Variants in TIMM50 observed in about 807,000 individuals in gnomAD.
TIMM50 encodes mitochondrial import inner membrane translocase subunit TIM50.
TIMM50 carries 34 observed loss-of-function variants against 49.6 expected under a neutral mutation model. The ratio of observed to expected loss-of-function variants is 0.69; its 90% CI spans 0.52 to 0.91. The LOEUF is 0.91. TIMM50 is among the 40% of genes least tolerant of loss of function. The pLI is 0.00. For missense variants in TIMM50, 458 were observed against 477.8 expected (o/e 0.96, Z 0.39); for synonymous variants, 199 against 198.4 (o/e 1.00, Z -0.03).
intron 3 of TIMM50, 27 bp downstream of exon 3, chr19:39,482,943 G>T: frequency 6.2e-7 from 1 of 1,614,182 alleles, no homozygotes; most frequent in Non-Finnish European, 8.5e-7. Flanking sequence ...CCGAGGCCTT[G>T]CCAGGAGTCC....
chr19:39,485,142 G>C, intron 4 of TIMM50: 1 of 199,800 alleles, frequency 5.0e-6, no homozygotes, highest in South Asian at 8.4e-5. Context: ...TTTTTTTACT[G>C]TTTTAGTAGA....
rs534681085 is a variant in TIMM50, at chr19:39,490,008, G to A, written c.*188G>A. ...GGTCATCGTCCCACAGTGGCTGATC[G>A]GCTGCCAAGCACAGTGGGGGTGCTT... On this transcript the variant is annotated 3_prime_UTR_variant, in exon 11 of 11. Coordinates refer to ENST00000607714, the MANE Select transcript of TIMM50 (RefSeq NM_001001563.5). 8.2e-6 allele frequency: 5 copies of A among 612,006 alleles called. No individual in the cohort carries two copies. Among genetic ancestry groups the A allele is most frequent in the South Asian group, 2.0e-5 (1 of 48,978 alleles). The allele number at this position is 612,006 out of a possible 1,614,324, so 37.9% of individuals were successfully genotyped here. A position where few individuals can be genotyped will look rare whatever the true frequency, so the allele number is the denominator to read the frequency against.
In TIMM50 at chr19:39,486,201, G is replaced by C; in HGVS notation, c.507G>C (p.Trp169Cys). 6.2e-7 allele frequency: 1 copy of C among 1,614,180 alleles called. No individual in the cohort carries two copies. Among genetic ancestry groups the C allele is most frequent in the African/African-American group, 1.3e-5 (1 of 75,028 alleles). The change falls in exon 7 of 11, where the codon TGG (tryptophan) becomes TGC (cysteine). Residue 169 changes from tryptophan (W) to cysteine (C), a missense_variant. Transcript: ENST00000607714. ...TGTCTTCCCAGCTGGCCACTGGCTG[G>C]AGGTTTAAGAAGCGCCCAGGCATCG... ...LHPEWSLATGWRFKKRPGIET... is the reference protein window; with the variant it reads ...LHPEWSLATGCRFKKRPGIET...
At position 39,490,237 on chromosome 19, in the gene TIMM50, A is replaced by G. The variant is rs2079536121; in HGVS notation, c.*417A>G. 1.2e-5 allele frequency: 2 copies of G among 165,244 alleles called. No individual in the cohort carries two copies. Among genetic ancestry groups the G allele is most frequent in the South Asian group, 3.4e-4 (2 of 5,800 alleles). 10.2% of individuals were successfully genotyped at this position (165,244 alleles called of 1,614,324 possible). A position where few individuals can be genotyped will look rare whatever the true frequency, so the allele number is the denominator to read the frequency against. ...TGTGGAGAGAATGTGTTATGGGCCTAGTGGGCCTCTGGTGGACCAGAGATT... is the reference window on the plus strand; with the variant it reads ...TGTGGAGAGAATGTGTTATGGGCCTGGTGGGCCTCTGGTGGACCAGAGATT... On this transcript the variant is annotated 3_prime_UTR_variant, in exon 11 of 11. Transcript: ENST00000607714.
chr19:39,488,428 T>A, intron 9 of TIMM50, 111 bp from the exon 10 acceptor site: 1 of 1,130,426 alleles, frequency 8.8e-7, no homozygotes, highest in Non-Finnish European at 1.3e-6. Context: ...TCAGAAGCAT[T>A]CCAGGTAGCA....
At position 39,485,704 on chromosome 19, in the gene TIMM50, C is replaced by T; in HGVS notation, c.389C>T (p.Thr130Ile). ...KDYRQMIIEP[T>I]SPCLLPDPLQ... The stretch of plus-strand genomic sequence containing the variant: ...CTCCCACAGATGATCATCGAGCCCA[C>T]CAGCCCTTGCCTTCTCCCAGACCCT... Residue 130 changes from threonine to isoleucine, a missense_variant, in exon 6 of 11, where the codon ACC becomes ATC. Transcript: ENST00000607714. 2 of 1,614,166 alleles carry T rather than the reference C, an allele frequency of 1.2e-6. No individual in the cohort carries two copies. Among genetic ancestry groups the T allele is most frequent in the South Asian group, 1.1e-5 (1 of 91,086 alleles).
At chr19:39,487,165 G>A (rs371573915) in intron 8 of TIMM50, among the ~76,000 whole-genome samples, 71 of 152,304 alleles carry the variant, frequency 4.7e-4, no homozygotes, top group South Asian at 3.1e-3. Flanking sequence ...GGTTAAACAC[G>A]AGAGTGGCCA....
chr19:39,485,536 T>TC lies in TIMM50; in HGVS notation c.314-7dup, dbSNP rs2079498893. On this transcript the variant is annotated splice_polypyrimidine_tract_variant and splice_region_variant and intron_variant, in intron 4 of 10. Coordinates refer to ENST00000607714, the MANE Select transcript of TIMM50 (RefSeq NM_001001563.5). ...TGTGGAATCTCTTTGTGCCTGGTGT[T>TC]CTCCTAGATCCAATTCTGGTACAGC... 1.2e-6 allele frequency: 2 copies of TC among 1,614,000 alleles called. No homozygotes were observed. The highest frequency in any genetic ancestry group is 1.7e-5 in the Admixed American group (1 of 59,984).
At chr19:39,485,859 GT>G in intron 6 of TIMM50, 52 bp downstream of exon 6, 1 of 1,607,810 alleles carries the variant, frequency 6.2e-7, no homozygotes, top group Non-Finnish European at 8.5e-7. Context: ...CAGTGGGGTT[GT>G]GATGAGGTGG....
chr19:39,486,386 C>G lies in TIMM50; in HGVS notation c.598-11C>G. The G allele has an allele frequency of 1.2e-6, 2 of 1,613,986 alleles. No individual in the cohort carries two copies. The highest frequency in any genetic ancestry group is 1.7e-6 in the Non-Finnish European group (2 of 1,179,850). ...CAGCCTGACCTTTTCTCGCTCCCTT[C>G]CCACCCCCAGACTGCGTTTCCACTC... On this transcript the variant is annotated splice_polypyrimidine_tract_variant and intron_variant, in intron 7 of 10. Coordinates refer to ENST00000607714, the MANE Select transcript of TIMM50 (RefSeq NM_001001563.5).
intron 1 of TIMM50, 78 bp from the exon 2 acceptor site, chr19:39,481,805 G>T: frequency 6.5e-7 from 1 of 1,536,704 alleles, no homozygotes; most frequent in South Asian, 1.2e-5. Context: ...TCCTGAACTT[G>T]ATTCTTCTTG....
Position 39,490,454 on chromosome 19 carries a change from G to C in TIMM50, c.*634G>C, listed in dbSNP as rs2079537603. The C allele has an allele frequency of 1.3e-5, 2 of 151,320 alleles. No individual in the cohort carries two copies. The highest frequency in any genetic ancestry group is 4.9e-5 in the African/African-American group (2 of 40,978). The allele number at this position is 151,320 out of a possible 1,614,324, so 9.4% of individuals were successfully genotyped here. A position where few individuals can be genotyped will look rare whatever the true frequency, so the allele number is the denominator to read the frequency against. On this transcript the variant is annotated 3_prime_UTR_variant, in exon 11 of 11. Transcript: ENST00000607714. ...ATTGATGTGATCTTAGCTTACAACA[G>C]CCTTGACCTCCCGGCTCAAGTGATC... is the stretch of plus-strand genomic sequence containing the variant.
At chr19:39,487,904 CGAT>C in intron 8 of TIMM50, 154 bp from the exon 9 acceptor site, 1 of 1,132,642 alleles carries the variant, frequency 8.8e-7, no homozygotes, top group Non-Finnish European at 1.2e-6. Flanking sequence ...CTGTGGGGGT[CGAT>C]GCCATCATCC....
chr19:39,489,683 C>G (rs373401565), intron 10 of TIMM50, 36 bp from the exon 11 acceptor site: 22 of 1,560,180 alleles, frequency 1.4e-5, no homozygotes, highest in Non-Finnish European at 1.7e-5. Flanking sequence ...GTCCACCTTG[C>G]GCTGACCCTC....
chr19:39,481,802 C>A, intron 1 of TIMM50, 81 bp from the exon 2 acceptor site: 1 of 1,531,652 alleles, frequency 6.5e-7, no homozygotes, highest in Non-Finnish European at 8.8e-7. Flanking sequence ...GGCTCCTGAA[C>A]TTGATTCTTC....
intron 3 of TIMM50, 49 bp downstream of exon 3, chr19:39,482,965 TGA>T: frequency 6.2e-7 from 1 of 1,613,902 alleles, no homozygotes; most frequent in Non-Finnish European, 8.5e-7. Flanking sequence ...AGTCTGTGGG[TGA>T]GAGGGGTCCC....
chr19:39,489,556 G>T, intron 10 of TIMM50, among the ~76,000 whole-genome samples, 163 bp from the exon 11 acceptor site: 1 of 151,986 alleles, frequency 6.6e-6, no homozygotes, highest in East Asian at 1.9e-4. Context: ...AGGGTCCCTT[G>T]TGTCTGGGCT....
chr19:39,489,511 T>C (rs1013604895), intron 10 of TIMM50, among the ~76,000 whole-genome samples: 2 of 151,906 alleles, frequency 1.3e-5, no homozygotes, highest in South Asian at 2.1e-4. Flanking sequence ...CAGAGCTGGC[T>C]CTTCCTAGTG....
At chr19:39,484,783 T>C (rs535755783) in intron 4 of TIMM50, among the ~76,000 whole-genome samples, 18 of 152,058 alleles carry the variant, frequency 1.2e-4, no homozygotes, top group Non-Finnish European at 2.6e-4. Context: ...TGGCATAAAT[T>C]AGGTGTGGTG....
Sources: gnomAD v4.1 joint callset for allele counts (sites outside exome capture counted in the v4.1 genomes callset) on GRCh38, gnomAD v4.1.1 for gene constraint, MANE v1.5 for transcripts, NCBI Gene and HGNC (gene_info 2026-07-23, HGNC 2026-07-21) for gene names.